The following CCDC198 variants were observed in gnomAD, a reference collection of about 807,000 sequenced individuals.
CCDC198 encodes factor associated with metabolism and energy.
CCDC198 carries 18 observed loss-of-function variants against 35.6 expected under a neutral mutation model. The ratio of observed to expected loss-of-function variants is 0.51; its 90% CI spans 0.35 to 0.75. The LOEUF (loss-of-function observed/expected upper bound fraction) is 0.75. Ranked by LOEUF, CCDC198 falls within the 30% of genes least tolerant of loss-of-function variation. The pLI is 0.01. For synonymous variants in CCDC198, 119 were observed against 113.4 expected (o/e 1.05, Z -0.31); for missense variants, 365 against 343.7 (o/e 1.06, Z -0.49).
rs185907718 is a variant in CCDC198 at position 57,490,069 on chromosome 14, A to G, written c.306+920T>C. Among the ~76,000 whole-genome samples, 546 of 152,284 alleles carry G rather than the reference A, an allele frequency of 3.6e-3. 3 individuals are homozygous for G. Among genetic ancestry groups the G allele is most frequent in the African/African-American group, 0.012 (504 of 41,566 alleles). The stretch of plus-strand genomic sequence containing the variant: ...AATAATGGCTGTGAGCTTCTGCAGA[A>G]GACAGGTAAATAAAAACCAACTGAA... On this transcript the variant is annotated intron_variant, in intron 2 of 5. Coordinates refer to ENST00000216445, the MANE Select transcript of CCDC198 (RefSeq NM_018168.4).
intron 2 of CCDC198, among the ~76,000 whole-genome samples, chr14:57,490,119 G>T (rs1405551310): frequency 6.6e-6 from 1 of 152,102 alleles, no homozygotes; most frequent in Non-Finnish European, 1.5e-5. Flanking sequence ...CAACAAATGA[G>T]CTCCAGTACC....
chr14:57,489,292 C>T (rs758531572), intron 2 of CCDC198, among the ~76,000 whole-genome samples: 1 of 152,134 alleles, frequency 6.6e-6, no homozygotes, highest in Non-Finnish European at 1.5e-5. Context: ...CCAAACACTA[C>T]ATGTTCTCAC....
intron 4 of CCDC198, 62 bp from the exon 5 acceptor site, chr14:57,480,816 C>A (rs984968556): frequency 5.1e-6 from 8 of 1,557,908 alleles, no homozygotes; most frequent in Non-Finnish European, 7.0e-6. Flanking sequence ...CAGACTAGAT[C>A]AACAGATCAG....
chr14:57,478,063 G>A (rs1195487865), intron 5 of CCDC198, among the ~76,000 whole-genome samples: 1 of 152,124 alleles, frequency 6.6e-6, no homozygotes, highest in Non-Finnish European at 1.5e-5. Context: ...ACACCTCCCT[G>A]ACTGGCACTT....
rs112102455 is a variant in CCDC198 at position 57,483,355 on chromosome 14, C to T, written c.307-204G>A. 11 of 659,276 alleles carry T rather than the reference C, an allele frequency of 1.7e-5. 1 individual carries two copies. The highest frequency in any genetic ancestry group is 1.6e-4 in the African/African-American group (9 of 54,828). 40.8% of individuals were successfully genotyped at this position (659,276 alleles called of 1,614,324 possible). A position where few individuals can be genotyped will look rare whatever the true frequency, so the allele number is the denominator to read the frequency against. On this transcript the variant is annotated intron_variant, in intron 2 of 5. Transcript: ENST00000216445. ...ATCTGGGTTCTTTATTATTCTAGTG[C>T]ACTGTCGACAGTGCCTTATTGATCT...
Position 57,469,546 on chromosome 14 carries a change from A to G in CCDC198, c.*1809T>C, listed in dbSNP as rs866584661. Reference sequence around the variant, plus strand: ...CATTTTTTGTGTTTTAAGCCTTCCAAATTGACCACAATAAGTGAGGACACC... The same window carrying G: ...CATTTTTTGTGTTTTAAGCCTTCCAGATTGACCACAATAAGTGAGGACACC... On this transcript the variant is annotated 3_prime_UTR_variant, in exon 6 of 6. Transcript: ENST00000216445. The G allele has an allele frequency of 1.3e-5, 2 of 152,210 alleles. No homozygotes were observed. The highest frequency in any genetic ancestry group is 2.9e-5 in the Non-Finnish European group (2 of 68,044). The allele number at this position is 152,210 out of a possible 1,614,324, so 9.4% of individuals were successfully genotyped here. A position where few individuals can be genotyped will look rare whatever the true frequency, so the allele number is the denominator to read the frequency against.
chr14:57,492,170 CT>C (rs779235286), intron 1 of CCDC198, among the ~76,000 whole-genome samples: 1 of 151,836 alleles, frequency 6.6e-6, no homozygotes, highest in Non-Finnish European at 1.5e-5. Flanking sequence ...ATTTTTACCC[CT>C]GATTACAAGT....
Position 57,486,258 on chromosome 14 carries a change from G to T in CCDC198, c.307-3107C>A, listed in dbSNP as rs75093060. Among the ~76,000 whole-genome samples the T allele has an allele frequency of 2.3e-3, 356 of 152,268 alleles. 1 individual carries two copies. Among genetic ancestry groups the T allele is most frequent in the African/African-American group, 8.0e-3 (331 of 41,554 alleles). ...GCCATTACTGCACGCCATGCCCAGG[G>T]TTATAAATATGTAATCTCATTCAAT... On this transcript the variant is annotated intron_variant, in intron 2 of 5. Transcript: ENST00000216445.
intron 5 of CCDC198, chr14:57,480,367 C>T (rs116473114): frequency 1.1e-6 from 1 of 905,436 alleles, no homozygotes; most frequent in African/African-American, 1.8e-5. Flanking sequence ...GCATATTAAA[C>T]CCATACAAAG....
At chr14:57,481,430 C>T in intron 4 of CCDC198, 129 bp downstream of exon 4, 1 of 634,486 alleles carries the variant, frequency 1.6e-6, no homozygotes, top group Non-Finnish European at 2.7e-6. Context: ...AGTAGTTGAA[C>T]CTTCAACCTC....
At chr14:57,475,992 G>A (rs574554263) in intron 5 of CCDC198, among the ~76,000 whole-genome samples, 4 of 151,382 alleles carry the variant, frequency 2.6e-5, no homozygotes, top group African/African-American at 9.7e-5. Flanking sequence ...TACTAGAGAC[G>A]GGGTTTTGCC....
intron 2 of CCDC198, among the ~76,000 whole-genome samples, chr14:57,490,139 G>T (rs1344599371): frequency 6.6e-6 from 1 of 152,084 alleles, no homozygotes; most frequent in Non-Finnish European, 1.5e-5. Flanking sequence ...CCCTGGGATT[G>T]GTCCAGGCAT....
intron 5 of CCDC198, among the ~76,000 whole-genome samples, chr14:57,476,212 A>T (rs1250157613): frequency 6.6e-6 from 1 of 152,202 alleles, no homozygotes; most frequent in Non-Finnish European, 1.5e-5. Flanking sequence ...GTGGAAACTG[A>T]GGTTCCTGGA....
intron 2 of CCDC198, among the ~76,000 whole-genome samples, chr14:57,490,599 A>C (rs1314794191): frequency 7.2e-5 from 11 of 152,176 alleles, no homozygotes; most frequent in Admixed American, 7.2e-4. Flanking sequence ...GTGGCTAAGA[A>C]GATTAAATGA....
rs76728891 is a variant in CCDC198 at position 57,485,597 on chromosome 14, G to A, written c.307-2446C>T. 6.9e-3 allele frequency among the ~76,000 whole-genome samples: 1,051 copies of A among 152,322 alleles called. 11 individuals are homozygous for A. Among genetic ancestry groups the A allele is most frequent in the African/African-American group, 0.022 (924 of 41,580 alleles). ...ACGGAAGATAGATACTGGATATTCA[G>A]CACTTGTAATGGGGAGCATGACCTG... On this transcript the variant is annotated intron_variant, in intron 2 of 5. Transcript: ENST00000216445.
At chr14:57,493,428 G>C in intron 1 of CCDC198, 65 bp downstream of exon 1, 1 of 1,349,574 alleles carries the variant, frequency 7.4e-7, no homozygotes, top group African/African-American at 1.4e-5. Context: ...GAGACAGTCA[G>C]ATAAACCTAT....
chr14:57,482,714 G>A (rs1041689711), intron 3 of CCDC198, among the ~76,000 whole-genome samples: 2 of 152,110 alleles, frequency 1.3e-5, no homozygotes, highest in African/African-American at 4.8e-5. Flanking sequence ...TTAAACTGAG[G>A]GGAGGAATGA....
At chr14:57,474,780 C>A (rs2066918554) in intron 5 of CCDC198, among the ~76,000 whole-genome samples, 1 of 152,024 alleles carries the variant, frequency 6.6e-6, no homozygotes, top group South Asian at 2.1e-4. Context: ...GAAAGTGTAT[C>A]CTACTCCAAA....
intron 5 of CCDC198, among the ~76,000 whole-genome samples, chr14:57,476,767 C>A (rs533460474): frequency 6.6e-6 from 1 of 152,080 alleles, no homozygotes; most frequent in East Asian, 1.9e-4. Context: ...ACCTTAATGA[C>A]CAGACCCTGA....
Sources: gnomAD v4.1 joint callset for allele counts (sites outside exome capture counted in the v4.1 genomes callset) on GRCh38, gnomAD v4.1.1 for gene constraint, MANE v1.5 for transcripts, NCBI Gene and HGNC (gene_info 2026-07-23, HGNC 2026-07-21) for gene names.